The following NLRC5 variants were observed in gnomAD, a reference collection of about 807,000 sequenced individuals.
NLRC5 encodes protein NLRC5.
In NLRC5, 114 loss-of-function variants were observed where a neutral mutation model predicts 206.9. The ratio of observed to expected loss-of-function variants is 0.55; its 90% confidence interval spans 0.47 to 0.64. The LOEUF (loss-of-function observed/expected upper bound fraction) is 0.64. Ranked by LOEUF, NLRC5 falls within the 30% of genes least tolerant of loss-of-function variation. The probability of loss-of-function intolerance (pLI) is 0.00; values close to 1 mark genes in which losing one functional copy is unlikely to be tolerated. For missense variants in NLRC5, 2,008 were observed against 2,305.5 expected, an observed-to-expected ratio of 0.87 and a Z score of 2.64; for synonymous variants, 952 against 962.8, an observed-to-expected ratio of 0.99 and a Z score of 0.21.
intron 8 of NLRC5, 114 bp downstream of exon 8, chr16:57,028,499 G>C: frequency 1.3e-6 from 1 of 794,474 alleles, no homozygotes; most frequent in Non-Finnish European, 2.1e-6. Context: ...TTTTCAGTGA[G>C]ACCCAGAGAG....
rs2061274875 is a variant in NLRC5, at chr16:57,026,363, A to G, written c.1420A>G (p.Ile474Val). 1 of 1,613,926 alleles carries G rather than the reference A, an allele frequency of 6.2e-7. No individual in the cohort carries two copies. The highest frequency in any genetic ancestry group is 8.5e-7 in the Non-Finnish European group (1 of 1,180,024). Reference sequence around the variant, plus strand: ...GAGGGGCCTGGAGACAGGGAAGGTTATCTTCTATGCAAAAGATATTGCTCC... The same window carrying G: ...GAGGGGCCTGGAGACAGGGAAGGTTGTCTTCTATGCAAAAGATATTGCTCC... Reference protein sequence around the residue: ...ALRGLETGKVIFYAKDIAPPL... With the variant: ...ALRGLETGKVVFYAKDIAPPL... The change falls in exon 6 of 49, where the codon ATC becomes GTC. Residue 474 changes from isoleucine to valine, a missense_variant. By Grantham distance (29) the Ile-to-Val change is conservative. Coordinates refer to ENST00000688547, the MANE Select transcript of NLRC5 (RefSeq NM_001384950.1).
At chr16:57,029,948 C>T (rs758851210) in intron 9 of NLRC5, 47 bp from the exon 10 acceptor site, 63 of 1,611,770 alleles carry the variant, frequency 3.9e-5, no homozygotes, top group Non-Finnish European at 5.0e-5. Flanking sequence ...TCTGGGGCCC[C>T]TGGGGTAGGG....
chr16:57,047,658 C>T (rs753092001), intron 23 of NLRC5, 30 bp downstream of exon 23: 4 of 1,573,940 alleles, frequency 2.5e-6, no homozygotes, highest in Non-Finnish European at 2.6e-6. Context: ...CCCCAGAGGG[C>T]ACCATGTGGG....
At chr16:57,033,187 T>C (rs1182432246) in intron 11 of NLRC5, among the ~76,000 whole-genome samples, 2 of 152,154 alleles carry the variant, frequency 1.3e-5, no homozygotes, top group South Asian at 2.1e-4. Flanking sequence ...CATCCACAAA[T>C]GGAGACCATC....
At chr16:56,992,493 G>A (rs1378129825) in intron 1 of NLRC5, 4 of 145,426 alleles carry the variant, frequency 2.8e-5, no homozygotes, top group Admixed American at 6.9e-5. Flanking sequence ...TTTTTTTTTA[G>A]TGAGAGGGAG....
intron 32 of NLRC5, 30 bp from the exon 33 acceptor site, chr16:57,065,182 G>C: frequency 1.4e-6 from 2 of 1,435,826 alleles, no homozygotes; most frequent in East Asian, 5.3e-5. Context: ...CACCTTGGGG[G>C]GGCCTTATCT....
chr16:57,082,888 G>A lies in NLRC5; in HGVS notation c.*360G>A, dbSNP rs2069314528. The stretch of plus-strand genomic sequence containing the variant: ...CAGTGTGGCACGTGTTCTGTGGCAT[G>A]GGTGCTGGCATCCCAAGTAGCAGGA... On this transcript the variant is annotated 3_prime_UTR_variant, in exon 49 of 49. Transcript: ENST00000688547. 1 of 200,690 alleles carries A rather than the reference G, an allele frequency of 5.0e-6. No individual in the cohort carries two copies. 12.4% of individuals were successfully genotyped at this position (200,690 alleles called of 1,614,324 possible). A position where few individuals can be genotyped will look rare whatever the true frequency, so the allele number is the denominator to read the frequency against.
In NLRC5 at chr16:57,059,451, GC is replaced by G; in HGVS notation, c.3921-13del. On this transcript the variant is annotated splice_polypyrimidine_tract_variant and intron_variant, in intron 29 of 48. Coordinates refer to ENST00000688547, the MANE Select transcript of NLRC5 (RefSeq NM_001384950.1). ...ATGTCTGGGCACCGTGCTTCCCCAG[GC>G]CCTTCTCTCTGCAGCCTGGGCTCTG... The G allele has an allele frequency of 6.2e-7, 1 of 1,600,888 alleles. No individual in the cohort carries two copies. The highest frequency in any genetic ancestry group is 8.5e-7 in the Non-Finnish European group (1 of 1,173,616).
intron 19 of NLRC5, 23 bp from the exon 20 acceptor site, chr16:57,043,492 T>G: frequency 6.2e-7 from 1 of 1,602,286 alleles, no homozygotes; most frequent in Non-Finnish European, 8.6e-7. Flanking sequence ...TGACCTCCAT[T>G]GTGCCACCCC....
At position 57,022,581 on chromosome 16, in the gene NLRC5, C is replaced by T. The variant is rs1395959801; in HGVS notation, c.355+266C>T. On this transcript the variant is annotated intron_variant, in intron 4 of 48. Transcript: ENST00000688547. ...GTCTAACCTGGAACCCCTCAGGAAGCCTGTTCTCACTTTCCTGCCCGCAAC... is the reference window on the plus strand; with the variant it reads ...GTCTAACCTGGAACCCCTCAGGAAGTCTGTTCTCACTTTCCTGCCCGCAAC... Among the ~76,000 whole-genome samples, 3 of 152,336 alleles carry T rather than the reference C, an allele frequency of 2.0e-5. No homozygotes were observed. In the East Asian group the frequency reaches 5.8e-4, roughly 29 times the overall value.
chr16:57,005,062 C>T (rs1043089481), intron 1 of NLRC5, among the ~76,000 whole-genome samples: 1 of 152,092 alleles, frequency 6.6e-6, no homozygotes, highest in African/African-American at 2.4e-5. Context: ...GATTACTCGG[C>T]CTCAGGGGTG....
intron 1 of NLRC5, among the ~76,000 whole-genome samples, chr16:57,012,370 C>G (rs764816317): frequency 2.6e-5 from 4 of 152,088 alleles, no homozygotes; most frequent in Non-Finnish European, 5.9e-5. Context: ...TGGAATAGAC[C>G]TAGGCGTGGA....
chr16:57,038,413 A>G (rs539159840), intron 15 of NLRC5, among the ~76,000 whole-genome samples: 179 of 152,172 alleles, frequency 1.2e-3, no homozygotes, highest in African/African-American at 3.8e-3. Context: ...ATGAGTCACT[A>G]TGCCTGGCAA....
At chr16:57,011,572 A>G (rs2142621392) in intron 1 of NLRC5, among the ~76,000 whole-genome samples, 1 of 152,240 alleles carries the variant, frequency 6.6e-6, no homozygotes, top group South Asian at 2.1e-4. Context: ...AAAAATTAAA[A>G]TTAGCCTGGC....
intron 17 of NLRC5, 113 bp downstream of exon 17, chr16:57,040,831 A>T: frequency 2.0e-6 from 2 of 1,001,292 alleles, no homozygotes; most frequent in Non-Finnish European, 3.1e-6. Flanking sequence ...AGGACACCTG[A>T]CCTGCTGTGT....
At chr16:57,069,735 C>T (rs1384279534) in intron 36 of NLRC5, 101 bp from the exon 37 acceptor site, 1 of 909,100 alleles carries the variant, frequency 1.1e-6, no homozygotes, top group Non-Finnish European at 1.7e-6. Context: ...CATTGCCCGC[C>T]ACATCCCTAC....
At chr16:56,998,620 C>T (rs561682118) in intron 1 of NLRC5, among the ~76,000 whole-genome samples, 6 of 152,226 alleles carry the variant, frequency 3.9e-5, no homozygotes, top group East Asian at 1.9e-4. Context: ...AGCCTTGCTC[C>T]GAAATTCATG....
intron 33 of NLRC5, 30 bp from the exon 34 acceptor site, chr16:57,066,501 CCGA>C: frequency 6.2e-7 from 1 of 1,607,712 alleles, no homozygotes; most frequent in Non-Finnish European, 8.5e-7. Flanking sequence ...GGAAGGCTGC[CCGA>C]CCTCACGTTG....
chr16:57,001,736 C>G (rs574057491), intron 1 of NLRC5, among the ~76,000 whole-genome samples: 1 of 152,132 alleles, frequency 6.6e-6, no homozygotes, highest in African/African-American at 2.4e-5. Flanking sequence ...AGCATTTATC[C>G]TTTGTGTTGC....
Sources: allele counts gnomAD v4.1 joint callset (sites outside exome capture counted in the v4.1 genomes callset), GRCh38; gene constraint gnomAD v4.1.1; transcripts MANE v1.5; gene names NCBI Gene and HGNC (gene_info 2026-07-23, HGNC 2026-07-21).